Variants in SPON1 observed in about 807,000 individuals in gnomAD.
SPON1 encodes the protein spondin 1.
Under a neutral mutation model 111.7 loss-of-function variants are expected in SPON1, and 52 were observed. That is an observed-to-expected ratio of 0.47 (90% CI 0.37 to 0.59). SPON1 has a LOEUF of 0.59. SPON1 is among the 20% of genes least tolerant of loss of function. The pLI, the probability that SPON1 is intolerant of heterozygous loss-of-function variation, is 0.00. For synonymous variants in SPON1, 410 were observed against 395.8 expected, an observed-to-expected ratio of 1.04 and a Z score of -0.43; for missense variants, 957 against 1,068.5, an observed-to-expected ratio of 0.90 and a Z score of 1.46.
rs782601355 is a variant in SPON1 at position 14,257,914 on chromosome 11, A to G, written c.1492+16A>G. On this transcript the variant is annotated intron_variant, in intron 11 of 15. Coordinates refer to ENST00000576479, the MANE Select transcript of SPON1 (RefSeq NM_006108.4). ...AGTGACGAAGGTGAGGAGACAACCC[A>G]GACCAGCCAGGGGCTGGCAGGAGTT... The G allele has an allele frequency of 6.6e-7, 1 of 1,518,228 alleles. No homozygotes were observed. Among genetic ancestry groups the G allele is most frequent in the South Asian group, 1.2e-5 (1 of 81,162 alleles). The allele number at this position is 1,518,228 out of a possible 1,614,324, so 94.0% of individuals were successfully genotyped here. A position where few individuals can be genotyped will look rare whatever the true frequency, so the allele number is the denominator to read the frequency against.
intron 6 of SPON1, among the ~76,000 whole-genome samples, chr11:14,145,212 G>A (rs537738296): frequency 2.6e-5 from 4 of 152,274 alleles, no homozygotes; most frequent in South Asian, 2.1e-4. Flanking sequence ...GAGTGATTTC[G>A]TGATGCCTGT....
At chr11:14,112,787 C>T (rs539919082) in intron 5 of SPON1, among the ~76,000 whole-genome samples, 2 of 152,302 alleles carry the variant, frequency 1.3e-5, no homozygotes, top group South Asian at 2.1e-4. Context: ...CATATAGGAG[C>T]CCTGGCTTTG....
At chr11:13,992,202 T>A (rs1421084259) in intron 2 of SPON1, among the ~76,000 whole-genome samples, 1 of 151,896 alleles carries the variant, frequency 6.6e-6, no homozygotes, top group Non-Finnish European at 1.5e-5. Flanking sequence ...GAAGATGGGG[T>A]TTTTATCTAT....
chr11:14,006,110 C>T (rs1848358562), intron 2 of SPON1, among the ~76,000 whole-genome samples: 1 of 152,086 alleles, frequency 6.6e-6, no homozygotes, highest in Non-Finnish European at 1.5e-5. Flanking sequence ...CTCGGCAGAG[C>T]ATGAATAATG....
chr11:14,204,839 C>A (rs1184058773), intron 6 of SPON1, among the ~76,000 whole-genome samples: 3 of 152,074 alleles, frequency 2.0e-5, no homozygotes, highest in Non-Finnish European at 2.9e-5. Context: ...TGCCCGCCAC[C>A]ACCCCCGGCT....
intron 6 of SPON1, among the ~76,000 whole-genome samples, chr11:14,147,723 A>C (rs1847739005): frequency 6.8e-6 from 1 of 146,112 alleles, no homozygotes; most frequent in African/African-American, 2.5e-5. Context: ...GGCCCAAAAC[A>C]TTTTTTAAGT....
intron 6 of SPON1, among the ~76,000 whole-genome samples, chr11:14,169,259 T>A (rs1323855840): frequency 6.6e-6 from 1 of 152,268 alleles, no homozygotes; most frequent in African/African-American, 2.4e-5. Context: ...CCAGTCATGA[T>A]AAGCATTTTT....
At chr11:14,162,224 A>C (rs970643705) in intron 6 of SPON1, among the ~76,000 whole-genome samples, 1 of 152,012 alleles carries the variant, frequency 6.6e-6, no homozygotes, top group Admixed American at 6.6e-5. Flanking sequence ...ATGAACACTA[A>C]CCCATGTATA....
At position 13,962,891 on chromosome 11, in the gene SPON1, T is replaced by TG; in HGVS notation, c.-9dup. ...AAGGCCTGCGGCCGCGGCACAAAGTTGGGGGCCGCGAAGATGAGGCTGTCC... is the reference window on the plus strand; with the variant it reads ...AAGGCCTGCGGCCGCGGCACAAAGTTGGGGGGCCGCGAAGATGAGGCTGTCC... On this transcript the variant is annotated 5_prime_UTR_variant, in exon 1 of 16. Coordinates refer to ENST00000576479, the MANE Select transcript of SPON1 (RefSeq NM_006108.4). 2.0e-6 allele frequency: 3 copies of TG among 1,495,142 alleles called. No individual in the cohort carries two copies. The highest frequency in any genetic ancestry group is 2.7e-5 in the East Asian group (1 of 36,964). The allele number at this position is 1,495,142 out of a possible 1,614,324, so 92.6% of individuals were successfully genotyped here. A position where few individuals can be genotyped will look rare whatever the true frequency, so the allele number is the denominator to read the frequency against.
chr11:14,110,546 A>G (rs1564907488), intron 5 of SPON1, among the ~76,000 whole-genome samples: 1 of 152,192 alleles, frequency 6.6e-6, no homozygotes, highest in Non-Finnish European at 1.5e-5. Flanking sequence ...AAGCTGGGAA[A>G]AGAGAGAAGC....
chr11:13,990,550 T>TG (rs1266556795), intron 2 of SPON1, among the ~76,000 whole-genome samples: 1 of 152,028 alleles, frequency 6.6e-6, no homozygotes, highest in African/African-American at 2.4e-5. Flanking sequence ...GTCTTTTAAT[T>TG]GGGGCATTTA....
intron 6 of SPON1, among the ~76,000 whole-genome samples, chr11:14,216,982 G>A (rs532256517): frequency 1.3e-5 from 2 of 152,346 alleles, no homozygotes; most frequent in South Asian, 4.1e-4. Context: ...GGCAGATATA[G>A]CAACAGCATC....
intron 1 of SPON1, among the ~76,000 whole-genome samples, chr11:13,968,224 T>A (rs1401223115): frequency 6.6e-6 from 1 of 152,234 alleles, no homozygotes; most frequent in Non-Finnish European, 1.5e-5. Flanking sequence ...GCTAAGCTCA[T>A]GTTACTAACA....
At chr11:14,222,225 C>T (rs1268759466) in intron 6 of SPON1, among the ~76,000 whole-genome samples, 5 of 152,202 alleles carry the variant, frequency 3.3e-5, no homozygotes, top group Admixed American at 6.5e-5. Context: ...TGCACCTCTA[C>T]CTCCATTAAC....
In SPON1 at chr11:14,243,349, C is replaced by G. The variant is rs376550745; in HGVS notation, c.843C>G (p.Thr281=). The change falls in exon 7 of 16, where the codon ACC becomes ACG. Residue 281 remains threonine, a synonymous_variant. Transcript: ENST00000576479. The part of the protein sequence containing the change: ...EIRQQSDEVL[T]VIKAKAQWPA... The stretch of plus-strand genomic sequence containing the variant: ...TTTTGCAGAGTGATGAGGTCCTCAC[C>G]GTCATCAAAGCCAAAGCCCAATGGC... 6.3e-7 allele frequency: 1 copy of G among 1,584,348 alleles called. No individual in the cohort carries two copies. The highest frequency in any genetic ancestry group is 1.8e-5 in the Admixed American group (1 of 55,380).
At chr11:14,025,817 A>C (rs75969696) in intron 2 of SPON1, among the ~76,000 whole-genome samples, 1,689 of 152,274 alleles carry the variant, frequency 0.011, 31 homozygotes, top group African/African-American at 0.039. Context: ...CAGAGCCCCC[A>C]GAGGTTGCTC....
chr11:14,169,616 G>A (rs1364151565), intron 6 of SPON1, among the ~76,000 whole-genome samples: 1 of 151,548 alleles, frequency 6.6e-6, no homozygotes, highest in African/African-American at 2.4e-5. Flanking sequence ...TTCTTCTAGG[G>A]TTTTTATGGT....
chr11:14,148,691 C>T (rs1417901911), intron 6 of SPON1, among the ~76,000 whole-genome samples: 1 of 152,120 alleles, frequency 6.6e-6, no homozygotes, highest in East Asian at 1.9e-4. Context: ...TTTTGACTTC[C>T]CTCCTGGTAC....
intron 9 of SPON1, 63 bp from the exon 10 acceptor site, chr11:14,256,554 C>G (rs902810891): frequency 8.6e-7 from 1 of 1,168,998 alleles, no homozygotes; most frequent in Non-Finnish European, 1.3e-6. Flanking sequence ...CCTCTTTCAC[C>G]TTCCCCCTAC....
Sources: gnomAD v4.1 joint callset for allele counts (sites outside exome capture counted in the v4.1 genomes callset) on GRCh38, gnomAD v4.1.1 for gene constraint, MANE v1.5 for transcripts, NCBI Gene and HGNC (gene_info 2026-07-23, HGNC 2026-07-21) for gene names.